The following CHRNA10 variants were observed in gnomAD, a reference collection of about 807,000 sequenced individuals.
CHRNA10 encodes neuronal acetylcholine receptor subunit alpha-10.
A neutral mutation model predicts 36.0 loss-of-function variants in CHRNA10; 31 were observed. That is an observed-to-expected ratio of 0.86 (90% CI 0.65 to 1.16). The LOEUF is 1.16. CHRNA10 is among the 50% of genes most tolerant of loss of function. CHRNA10 has a pLI of 0.00. For synonymous variants in CHRNA10, 302 were observed against 287.0 expected (o/e 1.05, Z -0.53); for missense variants, 648 against 640.9 (o/e 1.01, Z -0.12).
rs2077670243 is a variant in CHRNA10, at chr11:3,667,289, CGG to C, written c.836_837del (p.Thr279SerfsTer58). On this transcript the variant is annotated frameshift_variant, in exon 4 of 5. Transcript: ENST00000250699. LOFTEE classifies it high-confidence loss of function. ...SLGVTVLLAL[T>X]VFQLLLAESM... ...CTCTCGGCCAGCAGCAACTGGAAGA[CGG>C]TGAGCGCCAGCAGCACGGTGACGCC... The C allele has an allele frequency of 6.3e-7, 1 of 1,598,080 alleles. No individual in the cohort carries two copies. The highest frequency in any genetic ancestry group is 8.5e-7 in the Non-Finnish European group (1 of 1,178,536).
intron 1 of CHRNA10, 183 bp downstream of exon 1, chr11:3,671,069 C>G (rs1481192069): frequency 1.6e-6 from 1 of 631,832 alleles, no homozygotes; most frequent in Non-Finnish European, 2.8e-6. Flanking sequence ...TCCACCCTAG[C>G]CAGGCAAGTC....
Position 3,665,672 on chromosome 11 carries a change from TC to T in CHRNA10, c.*434del, listed in dbSNP as rs2077653886. The T allele has an allele frequency of 6.4e-6, 1 of 155,730 alleles. No individual in the cohort carries two copies. Among genetic ancestry groups the T allele is most frequent in the South Asian group, 2.1e-4 (1 of 4,870 alleles). 9.6% of individuals were successfully genotyped at this position (155,730 alleles called of 1,614,324 possible). A position where few individuals can be genotyped will look rare whatever the true frequency, so the allele number is the denominator to read the frequency against. ...CCTGCTCTGGAAACTCGACTGAGAA[TC>T]CCCGACCCTTTTCCCTGAGCCCCTC... On this transcript the variant is annotated 3_prime_UTR_variant, in exon 5 of 5. Coordinates refer to ENST00000250699, the MANE Select transcript of CHRNA10 (RefSeq NM_020402.4).
intron 1 of CHRNA10, among the ~76,000 whole-genome samples, chr11:3,670,908 A>T (rs2077708620): frequency 6.6e-6 from 1 of 152,208 alleles, no homozygotes; most frequent in South Asian, 2.1e-4. Flanking sequence ...GCTTTTAAGC[A>T]TGCACATCTG....
At chr11:3,671,166 G>A (rs779733490) in intron 1 of CHRNA10, 86 bp downstream of exon 1, 10 of 1,353,164 alleles carry the variant, frequency 7.4e-6, no homozygotes, top group Non-Finnish European at 8.5e-6. Context: ...AGAAACACAA[G>A]AGAGACTACA....
chr11:3,665,626 G>A lies in CHRNA10; in HGVS notation c.*481C>T, dbSNP rs1259241097. ...TTACTTTATTGAGTCAGGGATTTGG[G>A]GCCAAATGTCTGTAGGGCCTCCTGC... is the stretch of plus-strand genomic sequence containing the variant. On this transcript the variant is annotated 3_prime_UTR_variant, in exon 5 of 5. Transcript: ENST00000250699. 6.5e-6 allele frequency: 1 copy of A among 153,508 alleles called. No homozygotes were observed. Among genetic ancestry groups the A allele is most frequent in the Non-Finnish European group, 1.4e-5 (1 of 69,076 alleles). 9.5% of individuals were successfully genotyped at this position (153,508 alleles called of 1,614,324 possible). A position where few individuals can be genotyped will look rare whatever the true frequency, so the allele number is the denominator to read the frequency against.
At position 3,666,405 on chromosome 11, in the gene CHRNA10, T is replaced by A. The variant is rs752055997; in HGVS notation, c.1055A>T (p.Glu352Val). The A allele has an allele frequency of 6.2e-7, 1 of 1,613,878 alleles. No homozygotes were observed. Among genetic ancestry groups the A allele is most frequent in the Non-Finnish European group, 8.5e-7 (1 of 1,179,976 alleles). Residue 352 changes from glutamate (E) to valine (V), a missense_variant, in exon 5 of 5, where the codon GAA becomes GTA. Physicochemically the swap from Glu to Val is moderately radical, Grantham distance 121. Coordinates refer to ENST00000250699, the MANE Select transcript of CHRNA10 (RefSeq NM_020402.4). Reference protein sequence around the residue: ...GHLARGLCVRERGEPCGQSRP... With the variant: ...GHLARGLCVRVRGEPCGQSRP... ...GGACTGCCCACAGGGCTCCCCTCTT[T>A]CCCGCACGCACAGGCCCCGTGCCAG...
In CHRNA10 at chr11:3,671,210, C is replaced by A. The variant is rs747267796; in HGVS notation, c.61+42G>T. On this transcript the variant is annotated intron_variant, in intron 1 of 4. Coordinates refer to ENST00000250699, the MANE Select transcript of CHRNA10 (RefSeq NM_020402.4). ...GATTTTGGGAGAACAGGAATAGTAG[C>A]ACCACCAGGAGAGGCCAGGGCTGGT... is the stretch of plus-strand genomic sequence containing the variant. 4 of 1,587,100 alleles carry A rather than the reference C, an allele frequency of 2.5e-6. No homozygotes were observed. In the African/African-American group the frequency reaches 5.4e-5, roughly 21 times the overall value.
chr11:3,667,244 C>A lies in CHRNA10; in HGVS notation c.883G>T (p.Val295Leu). The change falls in exon 4 of 5, where the codon GTG becomes TTG. Residue 295 changes from valine to leucine, a missense_variant. Transcript: ENST00000250699. ...CCCCGCTGCTCACCGATGAGCGGCA[C>A]GCTCTCGGCCGGTGGCATGCTCTCG... ...LAESMPPAES[V>L]PLIGKYYMAT... The A allele has an allele frequency of 6.3e-7, 1 of 1,585,850 alleles. No homozygotes were observed.
Position 3,669,885 on chromosome 11 carries a change from T to C in CHRNA10, c.118A>G (p.Asn40Asp), listed in dbSNP as rs1312188615. Residue 40 changes from asparagine (N) to aspartate (D), a missense_variant, in exon 2 of 5, where the codon AAC (asparagine) becomes GAC (aspartate). By Grantham distance (23) the Asn-to-Asp change is conservative. Transcript: ENST00000250699. ...ACAGGTCTCAGGGCACTTGTGTAGTTGGCAAAGAGGTCACGGAACAGCTTG... is the reference window on the plus strand; with the variant it reads ...ACAGGTCTCAGGGCACTTGTGTAGTCGGCAAAGAGGTCACGGAACAGCTTG... ...ALKLFRDLFA[N>D]YTSALRPVAD... 6.2e-7 allele frequency: 1 copy of C among 1,614,126 alleles called. No individual in the cohort carries two copies. The highest frequency in any genetic ancestry group is 1.1e-5 in the South Asian group (1 of 91,076).
Position 3,666,279 on chromosome 11 carries a change from G to C in CHRNA10, c.1181C>G (p.Ala394Gly), listed in dbSNP as rs762990794. Residue 394 changes from alanine (A) to glycine (G), a missense_variant, in exon 5 of 5, where the codon GCC becomes GGC. Ala to Gly is a moderately conservative substitution (Grantham distance 60). Transcript: ENST00000250699. Reference sequence around the variant, plus strand: ...AATGGTGGCTACGTGGTGCAGTAGGGCTTCCTGGCGGCACAGACATCGTGG... The same window carrying C: ...AATGGTGGCTACGTGGTGCAGTAGGCCTTCCTGGCGGCACAGACATCGTGG... ...HEPRCLCRQE[A>G]LLHHVATIAN... The C allele has an allele frequency of 1.2e-6, 2 of 1,613,864 alleles. No individual in the cohort carries two copies. The highest frequency in any genetic ancestry group is 1.7e-6 in the Non-Finnish European group (2 of 1,179,904).
intron 1 of CHRNA10, among the ~76,000 whole-genome samples, chr11:3,670,270 A>G (rs981441109): frequency 2.0e-5 from 3 of 152,202 alleles, no homozygotes; most frequent in African/African-American, 7.2e-5. Context: ...ACTTTCACCC[A>G]GGGATTCTAA....
intron 3 of CHRNA10, chr11:3,668,855 T>A (rs1434205299): frequency 4.9e-6 from 1 of 202,510 alleles, no homozygotes; most frequent in Non-Finnish European, 9.9e-6. Flanking sequence ...CAGAGGGCTA[T>A]GTCCTGGAGG....
rs776784847 is a variant in CHRNA10 at position 3,666,193 on chromosome 11, C to T, written c.1267G>A (p.Ala423Thr). 1 of 1,613,580 alleles carries T rather than the reference C, an allele frequency of 6.2e-7. No homozygotes were observed. The highest frequency in any genetic ancestry group is 1.1e-5 in the South Asian group (1 of 90,976). ...QRCHEDWKRL[A>T]RVMDRFFLAI... is the part of the protein sequence containing the mutation. ...AGGAAGAAGCGGTCCATCACACGGGCCAGGCGCTTCCAGTCCTCATGGCAG... is the reference window on the plus strand; with the variant it reads ...AGGAAGAAGCGGTCCATCACACGGGTCAGGCGCTTCCAGTCCTCATGGCAG... The change falls in exon 5 of 5, where the codon GCC becomes ACC. Residue 423 changes from alanine to threonine, a missense_variant. Ala to Thr is a moderately conservative substitution (Grantham distance 58, BLOSUM62 0). Transcript: ENST00000250699.
chr11:3,669,072 G>A, intron 3 of CHRNA10, 124 bp downstream of exon 3: 1 of 1,132,904 alleles, frequency 8.8e-7, no homozygotes, highest in Non-Finnish European at 1.2e-6. Flanking sequence ...GGGTCCTGGG[G>A]AAAAGCTTCC....
At position 3,667,405 on chromosome 11, in the gene CHRNA10, C is replaced by G. The variant is rs1288956724; in HGVS notation, c.722G>C (p.Cys241Ser). 6.3e-7 allele frequency: 1 copy of G among 1,599,988 alleles called. No homozygotes were observed. The highest frequency in any genetic ancestry group is 8.5e-7 in the Non-Finnish European group (1 of 1,177,494). The change falls in exon 4 of 5, where the codon TGC (cysteine) becomes TCC (serine). Residue 241 changes from cysteine to serine, a missense_variant. Coordinates refer to ENST00000250699, the MANE Select transcript of CHRNA10 (RefSeq NM_020402.4). Reference protein sequence around the residue: ...LLRRRAAAYVCNLLLPCVLIS... With the variant: ...LLRRRAAAYVSNLLLPCVLIS... ...GAGCACGCAGGGCAGCAGCAGGTTGCACACGTAGGCGGCGGCGCGGCGGCG... is the reference window on the plus strand; with the variant it reads ...GAGCACGCAGGGCAGCAGCAGGTTGGACACGTAGGCGGCGGCGCGGCGGCG...
In CHRNA10 at chr11:3,667,483, G is replaced by C. The variant is rs759550632; in HGVS notation, c.644C>G (p.Thr215Ser). Residue 215 changes from threonine (T) to serine (S), a missense_variant, in exon 4 of 5, where the codon ACC becomes AGC. Thr to Ser is a moderately conservative substitution (Grantham distance 58). Coordinates refer to ENST00000250699, the MANE Select transcript of CHRNA10 (RefSeq NM_020402.4). ...LGMPARRRVL[T>S]YGCCSEPYPD... ...GTAGGGCTCGGAGCAGCAGCCGTAG[G>C]TGAGCACGCGCCGCCGCGCCGGCAT... 1.3e-6 allele frequency: 2 copies of C among 1,587,480 alleles called. No individual in the cohort carries two copies. The highest frequency in any genetic ancestry group is 2.2e-5 in the South Asian group (2 of 90,086).
intron 1 of CHRNA10, among the ~76,000 whole-genome samples, chr11:3,670,688 C>G (rs1014587386): frequency 1.3e-5 from 2 of 152,248 alleles, no homozygotes; most frequent in Non-Finnish European, 2.9e-5. Flanking sequence ...AGTTGGAAAT[C>G]TGGGAATTAT....
In CHRNA10 at chr11:3,667,663, C is replaced by T. The variant is rs889342293; in HGVS notation, c.464G>A (p.Arg155His). The T allele has an allele frequency of 4.5e-6, 7 of 1,562,078 alleles. No individual in the cohort carries two copies. The highest frequency in any genetic ancestry group is 1.4e-5 in the African/African-American group (1 of 73,712). The change falls in exon 4 of 5, where the codon CGC becomes CAC. Residue 155 changes from arginine (R) to histidine (H), a missense_variant. Transcript: ENST00000250699. ...DAPAITRSSC[R>H]VDVAAFPFDA... ...GAACGGGAAGGCTGCTACATCCACG[C>T]GGCACGAGCTGCGCGTGATGGCCGG... is the stretch of plus-strand genomic sequence containing the variant.
chr11:3,666,012 C>A lies in CHRNA10; in HGVS notation c.*95G>T, dbSNP rs1450553337. ...GGATCTTAGGAGCAGTGGGGAGAGA[C>A]TGGCTGGCCCAAAGACCAGCAACCA... is the stretch of plus-strand genomic sequence containing the variant. On this transcript the variant is annotated 3_prime_UTR_variant, in exon 5 of 5. Coordinates refer to ENST00000250699, the MANE Select transcript of CHRNA10 (RefSeq NM_020402.4). 1 of 1,085,852 alleles carries A rather than the reference C, an allele frequency of 9.2e-7. No homozygotes were observed. Among genetic ancestry groups the A allele is most frequent in the African/African-American group, 1.6e-5 (1 of 62,804 alleles). 67.3% of individuals were successfully genotyped at this position (1,085,852 alleles called of 1,614,324 possible).
Sources: gnomAD v4.1 joint callset for allele counts (sites outside exome capture counted in the v4.1 genomes callset) on GRCh38, gnomAD v4.1.1 for gene constraint, MANE v1.5 for transcripts, NCBI Gene and HGNC (gene_info 2026-07-23, HGNC 2026-07-21) for gene names.